TENM4: variants seen among roughly 807,000 people sequenced by gnomAD.
TENM4 encodes the protein teneurin-4.
In TENM4, 82 loss-of-function variants were observed where a neutral mutation model predicts 243.3. The observed-to-expected ratio is 0.34, with a 90% CI of 0.28 to 0.40. TENM4 has a LOEUF of 0.40. Among genes scored for constraint, TENM4 ranks in the 10% least tolerant of loss-of-function variants. The probability of loss-of-function intolerance (pLI) is 1.00; values close to 1 mark genes in which losing one functional copy is unlikely to be tolerated. For missense variants in TENM4, 3,138 were observed against 3,673.3 expected, an observed-to-expected ratio of 0.85 and a Z score of 3.77; for synonymous variants, 1,412 against 1,456.3, an observed-to-expected ratio of 0.97 and a Z score of 0.69.
intron 1 of TENM4, among the ~76,000 whole-genome samples, chr11:79,355,000 A>T (rs1857472966): frequency 6.6e-6 from 1 of 152,208 alleles, no homozygotes; most frequent in Admixed American, 6.5e-5. Flanking sequence ...CCTAGCGGCT[A>T]ACTGGGTCTA....
At chr11:79,260,264 G>A (rs973674317) in intron 2 of TENM4, among the ~76,000 whole-genome samples, 7 of 152,126 alleles carry the variant, frequency 4.6e-5, no homozygotes, top group African/African-American at 1.7e-4. Context: ...TTTTCAGGAG[G>A]CACTGAGTGC....
chr11:78,917,424 TCTAA>T (rs1269574573), intron 6 of TENM4, among the ~76,000 whole-genome samples: 3 of 152,238 alleles, frequency 2.0e-5, no homozygotes, highest in Non-Finnish European at 1.5e-5. Context: ...GTGGAAAGCA[TCTAA>T]CTAAGTGTAC....
In TENM4 at chr11:78,732,376, G is replaced by A; in HGVS notation, c.3078C>T (p.Ser1026=). 1 of 1,613,992 alleles carries A rather than the reference G, an allele frequency of 6.2e-7. No homozygotes were observed. Among genetic ancestry groups the A allele is most frequent in the Non-Finnish European group, 8.5e-7 (1 of 1,179,876 alleles). ...AGGAGCTGGCGAAGGACGTCAGTGG[G>A]GATGGAGAGACGACTGGGTTGGGGC... ...FARPNPVVSP[S]PLTSFASSCA... The change falls in exon 21 of 34, where the codon TCC becomes TCT. Residue 1026 remains serine (S), a synonymous_variant. Coordinates refer to ENST00000278550, the MANE Select transcript of TENM4 (RefSeq NM_001098816.3).
At chr11:78,935,080 C>T (rs976339405) in intron 6 of TENM4, among the ~76,000 whole-genome samples, 1 of 137,458 alleles carries the variant, frequency 7.3e-6, no homozygotes, top group Non-Finnish European at 1.5e-5. Context: ...GGCGCAATCT[C>T]GGCTCACTGC....
At chr11:79,203,765 G>A (rs1863793039) in intron 3 of TENM4, among the ~76,000 whole-genome samples, 1 of 152,256 alleles carries the variant, frequency 6.6e-6, no homozygotes, top group East Asian at 1.9e-4. Context: ...TGCAAAACCT[G>A]TATGTCCAAA....
chr11:79,190,416 T>TC (rs1345539830), intron 3 of TENM4, among the ~76,000 whole-genome samples: 1 of 152,212 alleles, frequency 6.6e-6, no homozygotes, highest in African/African-American at 2.4e-5. Context: ...TCTTTCTTTT[T>TC]CCTCTCTGCC....
intron 6 of TENM4, among the ~76,000 whole-genome samples, chr11:79,063,727 A>T (rs1431601436): frequency 1.3e-5 from 2 of 152,204 alleles, no homozygotes; most frequent in Non-Finnish European, 2.9e-5. Context: ...GTCCCAAGGG[A>T]GAAAGAGGAA....
Position 78,722,935 on chromosome 11 carries a change from C to G in TENM4, c.3551-18G>C, listed in dbSNP as rs1356292929. ...CAGGATGCCTGGGACAAGGAAAGAACAGAATTGCCTGTGGAGCAGGAAATG... is the reference window on the plus strand; with the variant it reads ...CAGGATGCCTGGGACAAGGAAAGAAGAGAATTGCCTGTGGAGCAGGAAATG... On this transcript the variant is annotated intron_variant, in intron 23 of 33. Coordinates refer to ENST00000278550, the MANE Select transcript of TENM4 (RefSeq NM_001098816.3). The G allele has an allele frequency of 6.2e-7, 1 of 1,607,298 alleles. No individual in the cohort carries two copies.
At chr11:78,761,247 C>CTT (rs551895259) in intron 18 of TENM4, among the ~76,000 whole-genome samples, 14 of 146,274 alleles carry the variant, frequency 9.6e-5, no homozygotes, top group Non-Finnish European at 2.0e-4. Context: ...TTTTCTTTTT[C>CTT]TTTTTTTTTT....
chr11:78,857,434 A>G lies in TENM4; in HGVS notation c.1256-1256T>C, dbSNP rs546463341. Among the ~76,000 whole-genome samples, 3 of 152,360 alleles carry G rather than the reference A, an allele frequency of 2.0e-5. No individual in the cohort carries two copies. The East Asian group carries it at 5.8e-4, about 29-fold the overall frequency. The stretch of plus-strand genomic sequence containing the variant: ...TCCTTACAAAGCACATTTGATGCTG[A>G]AATGAAGCCTGGCAGGGCATTGTTG... On this transcript the variant is annotated intron_variant, in intron 10 of 33. Transcript: ENST00000278550.
At chr11:79,244,036 G>A (rs113989982) in intron 2 of TENM4, among the ~76,000 whole-genome samples, 81 of 152,298 alleles carry the variant, frequency 5.3e-4, no homozygotes, top group African/African-American at 1.8e-3. Context: ...ACCGCCCTTT[G>A]AGCAAGTCCT....
Position 79,064,759 on chromosome 11 carries a change from C to T in TENM4, c.472G>A (p.Glu158Lys). ...ANSNLTLTDT[E>K]HENTETDHPG... is the part of the protein sequence containing the mutation. ...TCACCAGTCTCAGTGTTTTCATGCT[C>T]GGTGTCGGTGAGTGTGAGATTGGAA... Residue 158 changes from glutamate to lysine, a missense_variant, in exon 6 of 34, where the codon GAG becomes AAG. Physicochemically the swap from Glu to Lys is moderately conservative, Grantham distance 56. This residue lies in a region of TENM4 where 671 missense variants were observed against 614.1 expected (regional missense o/e 1.09). Transcript: ENST00000278550. The T allele has an allele frequency of 7.7e-6, 12 of 1,551,662 alleles. No individual in the cohort carries two copies. In the Admixed American group the frequency reaches 9.8e-5, roughly 13 times the overall value.
chr11:79,431,909 T>G (rs1859176142), intron 1 of TENM4, among the ~76,000 whole-genome samples: 3 of 152,184 alleles, frequency 2.0e-5, no homozygotes, highest in Admixed American at 2.0e-4. Flanking sequence ...ATGGCAAGGA[T>G]CCTTGCATTT....
At chr11:79,058,305 AG>A (rs1859991942) in intron 6 of TENM4, among the ~76,000 whole-genome samples, 1 of 152,196 alleles carries the variant, frequency 6.6e-6, no homozygotes, top group African/African-American at 2.4e-5. Flanking sequence ...GCACTTTGGG[AG>A]GCTGAGACGG....
At chr11:79,274,599 T>G (rs544696174) in intron 2 of TENM4, among the ~76,000 whole-genome samples, 289 of 152,210 alleles carry the variant, frequency 1.9e-3, no homozygotes, top group African/African-American at 6.8e-3. Flanking sequence ...AGGCCACCCC[T>G]CCTCTCCTAT....
chr11:79,114,749 G>T (rs1252911274), intron 4 of TENM4, among the ~76,000 whole-genome samples: 2 of 152,186 alleles, frequency 1.3e-5, no homozygotes, highest in African/African-American at 4.8e-5. Flanking sequence ...TTCATGCAGA[G>T]AAATAATTAT....
At chr11:79,261,132 G>C (rs1855788637) in intron 2 of TENM4, among the ~76,000 whole-genome samples, 3 of 152,332 alleles carry the variant, frequency 2.0e-5, no homozygotes, top group Admixed American at 2.0e-4. Flanking sequence ...AGGCTGTCTA[G>C]TGGGTAATTT....
intron 2 of TENM4, among the ~76,000 whole-genome samples, chr11:79,266,200 C>T (rs1423822594): frequency 6.6e-6 from 1 of 152,148 alleles, no homozygotes. Flanking sequence ...CTGACATGTG[C>T]TCAGTAAATG....
rs531031439 is a variant in TENM4, at chr11:78,841,733, G to A, written c.1681+12371C>T. Among the ~76,000 whole-genome samples, 49 of 151,876 alleles carry A rather than the reference G, an allele frequency of 3.2e-4. No individual in the cohort carries two copies. In the South Asian group the frequency reaches 0.01, roughly 31 times the overall value. ...CTTACATAAACCTTTACTTGAACCT[G>A]CCTCCTCCTCAGGTTACTCCCATCT... is the stretch of plus-strand genomic sequence containing the variant. On this transcript the variant is annotated intron_variant, in intron 12 of 33. Coordinates refer to ENST00000278550, the MANE Select transcript of TENM4 (RefSeq NM_001098816.3).
Sources: allele counts gnomAD v4.1 joint callset (sites outside exome capture counted in the v4.1 genomes callset), GRCh38; gene constraint gnomAD v4.1.1; regional missense constraint gnomAD v4.1.1; transcripts MANE v1.5; gene names NCBI Gene and HGNC (gene_info 2026-07-23, HGNC 2026-07-21).